The following CELF2 variants were observed in gnomAD, a reference collection of about 807,000 sequenced individuals.
CELF2 encodes CUG triplet repeat RNA-binding protein 2.
CELF2 carries 8 observed loss-of-function variants against 62.6 expected under a neutral mutation model. That is an observed-to-expected ratio of 0.13 (90% CI 0.07 to 0.23). CELF2 has a LOEUF of 0.23. Ranked by LOEUF, CELF2 falls within the 10% of genes least tolerant of loss-of-function variation. The probability of loss-of-function intolerance (pLI) is 1.00; values close to 1 mark genes in which losing one functional copy is unlikely to be tolerated. For synonymous variants in CELF2, 258 were observed against 250.0 expected, an observed-to-expected ratio of 1.03 and a Z score of -0.30; for missense variants, 333 against 671.0, an observed-to-expected ratio of 0.50 and a Z score of 5.56.
At chr10:11,122,521 A>G (rs1037641809) in intron 1 of CELF2, among the ~76,000 whole-genome samples, 5 of 152,218 alleles carry the variant, frequency 3.3e-5, no homozygotes, top group African/African-American at 1.2e-4. Flanking sequence ...GACTGTAGAA[A>G]GCCACCTATT....
In CELF2 at chr10:11,156,360, A is replaced by C. The variant is rs375948262; in HGVS notation, c.75-9126A>C. On this transcript the variant is annotated intron_variant, in intron 1 of 12. Coordinates refer to ENST00000633077, the MANE Select transcript of CELF2 (RefSeq NM_001326342.2). This position sits in a 1 kb window ranked among gnomAD's most constrained non-coding sequence, Gnocchi z 4.3. ...CTCGCGTGCCGTATTAAATCTATTCATTCAGTAAATGTGTTTTGAGGATGT... is the reference window on the plus strand; with the variant it reads ...CTCGCGTGCCGTATTAAATCTATTCCTTCAGTAAATGTGTTTTGAGGATGT... 7.7e-4 allele frequency among the ~76,000 whole-genome samples: 117 copies of C among 152,230 alleles called. No homozygotes were observed. The highest frequency in any genetic ancestry group is 3.4e-3 in the Middle Eastern group (1 of 294).
intron 1 of CELF2, among the ~76,000 whole-genome samples, chr10:11,060,413 C>T (rs1468424765): frequency 1.3e-5 from 2 of 152,158 alleles, no homozygotes; most frequent in African/African-American, 4.8e-5. Context: ...TCATTAATTA[C>T]AGGAAAAGTG....
chr10:10,477,793 A>G, the CELF2 span, among the ~76,000 whole-genome samples: 435 of 151,638 alleles, frequency 2.9e-3, 1 homozygote, highest in Non-Finnish European at 4.6e-3. Context: ...AAAGGTCATC[A>G]TCTGGCCCTT....
At chr10:11,084,553 G>A (rs144381646) in intron 1 of CELF2, among the ~76,000 whole-genome samples, 120 of 152,320 alleles carry the variant, frequency 7.9e-4, no homozygotes, top group Middle Eastern at 3.4e-3. Flanking sequence ...TTAATGGGCA[G>A]AGTCAAGGGT....
the CELF2 span, among the ~76,000 whole-genome samples, chr10:10,756,466 T>G: frequency 6.6e-6 from 1 of 152,198 alleles, no homozygotes; most frequent in African/African-American, 2.4e-5. Context: ...TTTTCACTTT[T>G]TCTAAAATAA....
At chr10:11,168,977 C>G (rs1207480532) in intron 2 of CELF2, 1 of 152,160 alleles carries the variant, frequency 6.6e-6, no homozygotes, top group Non-Finnish European at 1.5e-5. Context: ...AGATGGTGAG[C>G]AATACCACAG....
At chr10:11,124,844 G>A (rs1419798942) in intron 1 of CELF2, among the ~76,000 whole-genome samples, 1 of 152,114 alleles carries the variant, frequency 6.6e-6, no homozygotes, top group African/African-American at 2.4e-5. Flanking sequence ...CTTATGGATA[G>A]CATATTTCAC....
intron 1 of CELF2, among the ~76,000 whole-genome samples, chr10:10,848,662 G>A (rs905655709): frequency 3.3e-5 from 5 of 152,188 alleles, no homozygotes; most frequent in African/African-American, 1.2e-4. Context: ...GAGAGGAAAT[G>A]TTTGTTTTGG....
intron 2 of CELF2, among the ~76,000 whole-genome samples, chr10:11,193,502 C>G (rs1255362313): frequency 1.3e-5 from 2 of 152,214 alleles, no homozygotes; most frequent in Non-Finnish European, 2.9e-5. Flanking sequence ...TGAGACGTAA[C>G]TGAATTATGG....
At chr10:10,595,732 CA>C in the CELF2 span, among the ~76,000 whole-genome samples, 1 of 152,024 alleles carries the variant, frequency 6.6e-6, no homozygotes, top group Non-Finnish European at 1.5e-5. Flanking sequence ...CCCATCTCTA[CA>C]AAAAATACAA....
chr10:10,722,742 G>T, the CELF2 span, among the ~76,000 whole-genome samples: 1 of 152,204 alleles, frequency 6.6e-6, no homozygotes, highest in East Asian at 1.9e-4. Flanking sequence ...CCAGCCAGGG[G>T]TGATGGGAAA....
chr10:11,129,793 T>C (rs935187350), intron 1 of CELF2, among the ~76,000 whole-genome samples: 1 of 152,254 alleles, frequency 6.6e-6, no homozygotes, highest in Non-Finnish European at 1.5e-5. Flanking sequence ...GCTAGAGGTC[T>C]ACCAATTTTG....
chr10:10,689,729 A>G, the CELF2 span, among the ~76,000 whole-genome samples: 1 of 152,144 alleles, frequency 6.6e-6, no homozygotes, highest in African/African-American at 2.4e-5. Context: ...GTGTACACCA[A>G]CCTCCTCAAA....
the CELF2 span, among the ~76,000 whole-genome samples, chr10:10,703,928 T>C: frequency 6.6e-6 from 1 of 152,212 alleles, no homozygotes; most frequent in African/African-American, 2.4e-5. Flanking sequence ...CGATCTCTTC[T>C]GCCTTGAAAG....
chr10:11,241,038 G>A (rs370132132), intron 3 of CELF2, among the ~76,000 whole-genome samples: 1 of 152,026 alleles, frequency 6.6e-6, no homozygotes, highest in South Asian at 2.1e-4. Context: ...GATTTCTGGG[G>A]CTCTTGTCAA....
intron 1 of CELF2, among the ~76,000 whole-genome samples, chr10:10,901,541 G>C (rs184901721): frequency 1.3e-5 from 2 of 152,134 alleles, no homozygotes; most frequent in East Asian, 1.9e-4. Flanking sequence ...CTAACATAAG[G>C]CTTCACATTA....
chr10:11,096,440 A>C (rs946398349), intron 1 of CELF2: 6 of 152,246 alleles, frequency 3.9e-5, no homozygotes, highest in African/African-American at 1.4e-4. Context: ...GCCAAGGAAA[A>C]GATAATCGCT....
the CELF2 span, among the ~76,000 whole-genome samples, chr10:10,789,587 T>C: frequency 6.6e-6 from 1 of 152,190 alleles, no homozygotes; most frequent in East Asian, 1.9e-4. Flanking sequence ...ACCAGCCATA[T>C]ATGAGTGGGC....
the CELF2 span, among the ~76,000 whole-genome samples, chr10:10,648,947 C>G: frequency 6.6e-6 from 1 of 152,216 alleles, no homozygotes; most frequent in Non-Finnish European, 1.5e-5. Context: ...ATCTTCTCCC[C>G]TCCTGAGAGC....
Sources: allele counts gnomAD v4.1 joint callset (sites outside exome capture counted in the v4.1 genomes callset), GRCh38; gene constraint gnomAD v4.1.1; non-coding constraint Gnocchi (gnomAD v3.1); transcripts MANE v1.5; gene names NCBI Gene and HGNC (gene_info 2026-07-23, HGNC 2026-07-21).